The following ANP32B variants were observed in gnomAD, a reference collection of about 807,000 sequenced individuals.
The protein encoded by ANP32B is acidic leucine-rich nuclear phosphoprotein 32 family member B.
A neutral mutation model predicts 32.2 loss-of-function variants in ANP32B; 6 were observed. That is an observed-to-expected ratio of 0.19 (90% CI 0.10 to 0.37). The LOEUF (loss-of-function observed/expected upper bound fraction) is 0.37. ANP32B is among the 10% of genes least tolerant of loss of function. The pLI is 1.00. For missense variants in ANP32B, 204 were observed against 289.2 expected (o/e 0.71, Z 2.14); for synonymous variants, 98 against 105.8 (o/e 0.93, Z 0.45).
rs1827942314 is a variant in ANP32B at position 97,998,633 on chromosome 9, C to T, written c.282C>T (p.Asn94=). The change falls in exon 3 of 7, where the codon AAC becomes AAT. Residue 94 remains asparagine, a synonymous_variant. Transcript: ENST00000339399. The stretch of plus-strand genomic sequence containing the variant: ...AACTTCCAAATCTCACACATCTAAA[C>T]TTAAGTGGAAATAAACTGAAAGATA... ...AEKLPNLTHL[N]LSGNKLKDIS... is the part of the protein sequence containing the mutation. 6.2e-7 allele frequency: 1 copy of T among 1,611,466 alleles called. No homozygotes were observed. The highest frequency in any genetic ancestry group is 1.3e-5 in the African/African-American group (1 of 74,784).
intron 3 of ANP32B, among the ~76,000 whole-genome samples, chr9:98,003,586 T>C (rs1248078551): frequency 6.6e-6 from 1 of 152,168 alleles, no homozygotes; most frequent in Non-Finnish European, 1.5e-5. Flanking sequence ...AGGCAGATTT[T>C]CACACCATTT....
At position 98,011,268 on chromosome 9, in the gene ANP32B, TAGA is replaced by T. The variant is rs1181663308; in HGVS notation, c.518_520del (p.Glu173del). The T allele has an allele frequency of 6.4e-7, 1 of 1,551,178 alleles. No individual in the cohort carries two copies. The highest frequency in any genetic ancestry group is 1.4e-5 in the African/African-American group (1 of 72,926). On this transcript the variant is annotated splice_acceptor_variant and coding_sequence_variant, in exon 5 of 7. Coordinates refer to ENST00000339399, the MANE Select transcript of ANP32B (RefSeq NM_006401.3). LOFTEE classifies it high-confidence loss of function. Reference sequence around the variant, plus strand: ...TAATGAATCCCTTTTGGACTATTTTTAGAAGGAGAAGATGAGGAAGACGAGGAC... The same window carrying T: ...TAATGAATCCCTTTTGGACTATTTTTAGGAGAAGATGAGGAAGACGAGGAC...
rs1483821175 is a variant in ANP32B, at chr9:98,015,598, A to C, written c.*167A>C. ...TCCTGTGACATTCCGCCTTCCTTCCATGTAGTCCCTCTTGGTAATCTACCA... is the reference window on the plus strand; with the variant it reads ...TCCTGTGACATTCCGCCTTCCTTCCCTGTAGTCCCTCTTGGTAATCTACCA... On this transcript the variant is annotated 3_prime_UTR_variant, in exon 7 of 7. Transcript: ENST00000339399. 7.4e-7 allele frequency: 1 copy of C among 1,345,348 alleles called. No individual in the cohort carries two copies. Among genetic ancestry groups the C allele is most frequent in the Non-Finnish European group, 9.6e-7 (1 of 1,041,662 alleles). The allele number at this position is 1,345,348 out of a possible 1,614,324, so 83.3% of individuals were successfully genotyped here. A position where few individuals can be genotyped will look rare whatever the true frequency, so the allele number is the denominator to read the frequency against.
At chr9:97,988,436 C>T (rs778270097) in intron 1 of ANP32B, among the ~76,000 whole-genome samples, 3 of 152,028 alleles carry the variant, frequency 2.0e-5, no homozygotes, top group African/African-American at 4.8e-5. Context: ...AATAGAGATC[C>T]GTTCCAGGCT....
At chr9:98,005,200 C>T (rs899623529) in intron 4 of ANP32B, 47 bp downstream of exon 4, 4 of 1,578,636 alleles carry the variant, frequency 2.5e-6, no homozygotes, top group African/African-American at 2.7e-5. Flanking sequence ...CCTTTCAAAG[C>T]CTCTGATAAA....
rs754389645 is a variant in ANP32B, at chr9:98,011,322, TTGATGAAGAAGA to T, written c.579_590del (p.Glu193_Glu196del). ...GATGAGGATGGTGAAGAAGAGGAGT[TTGATGAAGAAGA>T]TGATGAAGATGAAGATGTAGAAGGG... On this transcript the variant is annotated inframe_deletion, in exon 5 of 7. Coordinates refer to ENST00000339399, the MANE Select transcript of ANP32B (RefSeq NM_006401.3). The T allele has an allele frequency of 3.9e-6, 6 of 1,549,528 alleles. No homozygotes were observed. The highest frequency in any genetic ancestry group is 1.4e-5 in the African/African-American group (1 of 72,960).
chr9:98,008,786 TATG>T (rs1828131653), intron 4 of ANP32B, among the ~76,000 whole-genome samples: 1 of 152,182 alleles, frequency 6.6e-6, no homozygotes, highest in African/African-American at 2.4e-5. Flanking sequence ...GATTCCACAT[TATG>T]ATGAGTTGTA....
At chr9:98,002,292 A>G (rs1828006923) in intron 3 of ANP32B, 1 of 152,208 alleles carries the variant, frequency 6.6e-6, no homozygotes. Flanking sequence ...TAATCGAGAG[A>G]CAAAGAAGGC....
chr9:98,006,164 A>G (rs1262086518), intron 4 of ANP32B, among the ~76,000 whole-genome samples: 1 of 149,148 alleles, frequency 6.7e-6, no homozygotes, highest in Non-Finnish European at 1.5e-5. Flanking sequence ...ATACAGATTA[A>G]CATTAGCAAA....
chr9:98,003,107 A>G (rs1017745698), intron 3 of ANP32B, among the ~76,000 whole-genome samples: 1 of 152,216 alleles, frequency 6.6e-6, no homozygotes, highest in Non-Finnish European at 1.5e-5. Flanking sequence ...TCTGAAAATT[A>G]CATGATACAA....
At chr9:98,011,498 A>T in intron 5 of ANP32B, 109 bp downstream of exon 5, 1 of 1,379,516 alleles carries the variant, frequency 7.2e-7, no homozygotes. Flanking sequence ...AGAAATTAGT[A>T]TACCTGTGAA....
intron 6 of ANP32B, among the ~76,000 whole-genome samples, chr9:98,015,027 A>G (rs1828251391): frequency 6.6e-6 from 1 of 152,260 alleles, no homozygotes; most frequent in East Asian, 1.9e-4. Context: ...TGCTGGGATT[A>G]TAGGCATGAG....
chr9:97,984,223 C>G (rs923783936), intron 1 of ANP32B, among the ~76,000 whole-genome samples: 8 of 150,620 alleles, frequency 5.3e-5, no homozygotes, highest in Admixed American at 2.6e-4. Flanking sequence ...CGGGCGCGGC[C>G]CGGCGCGCGG....
At chr9:97,985,847 T>C (rs1455756182) in intron 1 of ANP32B, among the ~76,000 whole-genome samples, 6 of 152,142 alleles carry the variant, frequency 3.9e-5, no homozygotes, top group African/African-American at 4.8e-5. Flanking sequence ...TTTTTGAGAC[T>C]GAGTCTCTCT....
chr9:98,004,583 A>T (rs1412103492), intron 3 of ANP32B, among the ~76,000 whole-genome samples: 1 of 152,216 alleles, frequency 6.6e-6, no homozygotes, highest in African/African-American at 2.4e-5. Flanking sequence ...AGACCGCTTG[A>T]TACCCAGGAA....
chr9:97,990,083 A>G lies in ANP32B; in HGVS notation c.55-4548A>G, dbSNP rs190883191. Among the ~76,000 whole-genome samples, 310 of 152,274 alleles carry G rather than the reference A, an allele frequency of 2.0e-3. 2 individuals are homozygous for G. Among genetic ancestry groups the G allele is most frequent in the African/African-American group, 7.0e-3 (291 of 41,556 alleles). On this transcript the variant is annotated intron_variant, in intron 1 of 6. Coordinates refer to ENST00000339399, the MANE Select transcript of ANP32B (RefSeq NM_006401.3). ...TATGTAGACAGACATTGTAAACTTG[A>G]TCTCTCATTTGTTCTGAAAATACCA...
At chr9:98,013,637 G>A (rs761844373) in intron 6 of ANP32B, among the ~76,000 whole-genome samples, 30 of 152,182 alleles carry the variant, frequency 2.0e-4, no homozygotes, top group Admixed American at 4.6e-4. Flanking sequence ...GGTGACTCAC[G>A]CCTGTTATCT....
chr9:98,015,916 G>A lies in ANP32B; in HGVS notation c.*485G>A. 1.0e-6 allele frequency: 1 copy of A among 981,080 alleles called. No individual in the cohort carries two copies. The highest frequency in any genetic ancestry group is 1.2e-6 in the Non-Finnish European group (1 of 825,734). The allele number at this position is 981,080 out of a possible 1,614,324, so 60.8% of individuals were successfully genotyped here. On this transcript the variant is annotated 3_prime_UTR_variant, in exon 7 of 7. Coordinates refer to ENST00000339399, the MANE Select transcript of ANP32B (RefSeq NM_006401.3). Reference sequence around the variant, plus strand: ...CAAAAAAGTATTTTTAAGAATTTAAGCGAAATAAACAGTTACTCTTTGGTA... The same window carrying A: ...CAAAAAAGTATTTTTAAGAATTTAAACGAAATAAACAGTTACTCTTTGGTA...
rs1462319549 is a variant in ANP32B, at chr9:97,999,049, C to T, written c.327+371C>T. Reference sequence around the variant, plus strand: ...GTCTCGATCTCCTGACCTCGTGATCCGCCCGCCTCGGCCTCCCAAAGTGCT... The same window carrying T: ...GTCTCGATCTCCTGACCTCGTGATCTGCCCGCCTCGGCCTCCCAAAGTGCT... On this transcript the variant is annotated intron_variant, in intron 3 of 6. Transcript: ENST00000339399. Among the ~76,000 whole-genome samples the T allele has an allele frequency of 3.2e-4, 8 of 25,210 alleles. 2 individuals carry two copies. The highest frequency in any genetic ancestry group is 2.5e-3 in the South Asian group (2 of 814). The allele number at this position is 25,210 out of a possible 152,430, so 16.5% of individuals were successfully genotyped here. A position where few individuals can be genotyped will look rare whatever the true frequency, so the allele number is the denominator to read the frequency against.
Sources: allele counts gnomAD v4.1 joint callset (sites outside exome capture counted in the v4.1 genomes callset), GRCh38; gene constraint gnomAD v4.1.1; transcripts MANE v1.5; gene names NCBI Gene and HGNC (gene_info 2026-07-23, HGNC 2026-07-21).